THSD7B: variants seen among roughly 807,000 people sequenced by gnomAD.
The protein encoded by THSD7B is thrombospondin type-1 domain-containing protein 7B.
Under a neutral mutation model 213.6 loss-of-function variants are expected in THSD7B, and 138 were observed. The ratio of observed to expected loss-of-function variants is 0.65; its 90% CI spans 0.56 to 0.74. The LOEUF is 0.74. THSD7B is among the 30% of genes least tolerant of loss of function. The probability of loss-of-function intolerance (pLI) is 0.00; values close to 1 mark genes in which losing one functional copy is unlikely to be tolerated. For missense variants in THSD7B, 1,931 were observed against 1,991.5 expected (o/e 0.97, Z 0.58); for synonymous variants, 742 against 687.0 (o/e 1.08, Z -1.25).
intron 15 of THSD7B, among the ~76,000 whole-genome samples, chr2:137,478,872 G>T (rs1224464060): frequency 6.6e-6 from 1 of 152,184 alleles, no homozygotes; most frequent in Non-Finnish European, 1.5e-5. Context: ...TATGTTGGTT[G>T]TTAGTGGAGT....
chr2:137,156,316 C>A (rs796285333), intron 5 of THSD7B: 10 of 152,260 alleles, frequency 6.6e-5, no homozygotes, highest in African/African-American at 2.4e-4. Context: ...AATGAAGCAT[C>A]TTAGACTTGT....
rs754964938 is a variant in THSD7B, at chr2:137,056,424, G to T, written c.144G>T (p.Pro48=). The T allele has an allele frequency of 1.2e-6, 2 of 1,607,062 alleles. No homozygotes were observed. Among genetic ancestry groups the T allele is most frequent in the South Asian group, 1.1e-5 (1 of 90,778 alleles). ...TCCTTGTTTTTCTGCCTGTAGGTCCGTGGGGAAGGTGTACAGGAGACTGTG... is the reference window on the plus strand; with the variant it reads ...TCCTTGTTTTTCTGCCTGTAGGTCCTTGGGGAAGGTGTACAGGAGACTGTG... The part of the protein sequence containing the change: ...KDNQFIWKPG[P]WGRCTGDCGP... The change falls in exon 3 of 28, where the codon CCG becomes CCT. Residue 48 remains proline (P), a synonymous_variant. Coordinates refer to ENST00000409968, the MANE Select transcript of THSD7B (RefSeq NM_001316349.2).
chr2:137,169,226 C>T (rs955837858), intron 6 of THSD7B, among the ~76,000 whole-genome samples: 2 of 151,178 alleles, frequency 1.3e-5, no homozygotes, highest in African/African-American at 2.4e-5. Flanking sequence ...CTTGCCCAGC[C>T]CTGTACTTTG....
At chr2:137,359,703 G>A (rs900692089) in intron 12 of THSD7B, among the ~76,000 whole-genome samples, 4 of 152,142 alleles carry the variant, frequency 2.6e-5, no homozygotes, top group Admixed American at 6.5e-5. Flanking sequence ...CCTGGGTACC[G>A]TGAACTTCTA....
intron 15 of THSD7B, among the ~76,000 whole-genome samples, chr2:137,468,206 G>A (rs964380950): frequency 3.0e-4 from 46 of 152,254 alleles, no homozygotes; most frequent in African/African-American, 1.0e-3. Flanking sequence ...ATAAGAGCCT[G>A]TATTTATGAA....
At chr2:137,104,261 C>T (rs991395392) in intron 4 of THSD7B, among the ~76,000 whole-genome samples, 6 of 152,184 alleles carry the variant, frequency 3.9e-5, no homozygotes, top group Non-Finnish European at 7.3e-5. Flanking sequence ...GGAAGCTGAA[C>T]AACCTGCTCC....
intron 15 of THSD7B, among the ~76,000 whole-genome samples, chr2:137,509,161 A>C (rs2105149033): frequency 6.6e-6 from 1 of 152,330 alleles, no homozygotes; most frequent in East Asian, 1.9e-4. Flanking sequence ...ACAGGAGTCC[A>C]CCAAATATAT....
intron 12 of THSD7B, among the ~76,000 whole-genome samples, chr2:137,363,105 T>C (rs1685308548): frequency 6.6e-6 from 1 of 152,166 alleles, no homozygotes; most frequent in Admixed American, 6.5e-5. Flanking sequence ...CACAAATATA[T>C]GGAAACTGAA....
At chr2:137,591,337 A>G (rs575062625) in intron 17 of THSD7B, among the ~76,000 whole-genome samples, 2 of 152,026 alleles carry the variant, frequency 1.3e-5, no homozygotes, top group Admixed American at 1.3e-4. Flanking sequence ...GCAGAGTGGA[A>G]TGGTAAGGTT....
At chr2:137,361,923 C>A (rs934193572) in intron 12 of THSD7B, among the ~76,000 whole-genome samples, 7 of 152,058 alleles carry the variant, frequency 4.6e-5, no homozygotes, top group Non-Finnish European at 1.0e-4. Flanking sequence ...CCCCAAAACA[C>A]ATAATTATCA....
intron 10 of THSD7B, among the ~76,000 whole-genome samples, chr2:137,257,400 G>T (rs951797241): frequency 1.3e-5 from 2 of 152,130 alleles, no homozygotes; most frequent in African/African-American, 4.8e-5. Context: ...TTTCAGCAAG[G>T]CACAGACCCT....
intron 2 of THSD7B, chr2:136,990,840 T>A: frequency 7.7e-7 from 1 of 1,303,306 alleles, no homozygotes; most frequent in Non-Finnish European, 1.0e-6. Context: ...GTACTGAGCA[T>A]TTTCACAAAT....
intron 17 of THSD7B, among the ~76,000 whole-genome samples, chr2:137,597,692 A>G (rs1343541321): frequency 6.6e-6 from 1 of 152,120 alleles, no homozygotes; most frequent in Admixed American, 6.6e-5. Context: ...TCAGACACAT[A>G]TTATAATTCC....
At position 137,315,799 on chromosome 2, in the gene THSD7B, C is replaced by T. The variant is rs558343744; in HGVS notation, c.2500+39773C>T. 3.3e-5 allele frequency among the ~76,000 whole-genome samples: 5 copies of T among 152,300 alleles called. No homozygotes were observed. The South Asian group carries it at 1.0e-3, about 32-fold the overall frequency. On this transcript the variant is annotated intron_variant, in intron 12 of 27. Transcript: ENST00000409968. The stretch of plus-strand genomic sequence containing the variant: ...GTTATCCCTAGTTACCCCATGAGTT[C>T]AAAAGCTGCCTGTTGTAATTTCTCA...
At chr2:137,118,834 C>T (rs1688490401) in intron 5 of THSD7B, among the ~76,000 whole-genome samples, 1 of 152,106 alleles carries the variant, frequency 6.6e-6, no homozygotes, top group Admixed American at 6.6e-5. Context: ...ACTCACAGTT[C>T]CACATGACTA....
intron 17 of THSD7B, among the ~76,000 whole-genome samples, chr2:137,596,526 C>T (rs1030179874): frequency 2.0e-5 from 3 of 152,020 alleles, no homozygotes; most frequent in African/African-American, 7.2e-5. Context: ...ATAGCTGTGT[C>T]TCAACCCATA....
At chr2:137,437,882 A>T (rs545613217) in intron 14 of THSD7B, among the ~76,000 whole-genome samples, 63 of 152,256 alleles carry the variant, frequency 4.1e-4, no homozygotes, top group African/African-American at 1.5e-3. Flanking sequence ...AATTCACATG[A>T]GCACTCTACC....
At chr2:136,954,847 ATATAGGTATTT>A (rs985510659) in intron 2 of THSD7B, among the ~76,000 whole-genome samples, 1 of 151,898 alleles carries the variant, frequency 6.6e-6, no homozygotes, top group African/African-American at 2.4e-5. Flanking sequence ...CAGTGTCTCT[ATATAGGTATTT>A]TATTTTTACA....
intron 2 of THSD7B, among the ~76,000 whole-genome samples, chr2:137,020,439 C>T (rs1469473310): frequency 6.6e-6 from 1 of 152,142 alleles, no homozygotes; most frequent in Non-Finnish European, 1.5e-5. Context: ...CTTATTTTCT[C>T]CTAGCCTGAT....
Sources: gnomAD v4.1 joint callset for allele counts (sites outside exome capture counted in the v4.1 genomes callset) on GRCh38, gnomAD v4.1.1 for gene constraint, MANE v1.5 for transcripts, NCBI Gene and HGNC (gene_info 2026-07-23, HGNC 2026-07-21) for gene names.